CYP7B1: variants seen among roughly 807,000 people sequenced by gnomAD.
CYP7B1 encodes cytochrome P450 family 7 subfamily B member 1.
CYP7B1 carries 29 observed loss-of-function variants against 42.7 expected under a neutral mutation model. That is an observed-to-expected ratio of 0.68 (90% CI 0.51 to 0.93). CYP7B1 has a LOEUF of 0.93. CYP7B1 is among the 40% of genes least tolerant of loss of function. CYP7B1 has a pLI of 0.00. For synonymous variants in CYP7B1, 235 were observed against 218.2 expected, an observed-to-expected ratio of 1.08 and a Z score of -0.68; for missense variants, 655 against 600.5, an observed-to-expected ratio of 1.09 and a Z score of -0.95.
At chr8:64,678,059 G>C (rs1043320414) in intron 1 of CYP7B1, among the ~76,000 whole-genome samples, 3 of 151,932 alleles carry the variant, frequency 2.0e-5, no homozygotes, top group African/African-American at 7.3e-5. Context: ...AAATTCTCCC[G>C]CTCTGCCTAA....
intron 1 of CYP7B1, among the ~76,000 whole-genome samples, chr8:64,697,343 C>G (rs1255325161): frequency 3.3e-5 from 5 of 152,094 alleles, no homozygotes; most frequent in African/African-American, 9.7e-5. Context: ...TGGGGAAGGC[C>G]AAACACATTC....
At chr8:64,600,064 A>G (rs1805179096) in intron 5 of CYP7B1, among the ~76,000 whole-genome samples, 1 of 152,256 alleles carries the variant, frequency 6.6e-6, no homozygotes, top group South Asian at 2.1e-4. Context: ...AGAAAAAAGT[A>G]TATTTTAAAA....
chr8:64,756,586 C>A (rs1281408816), intron 1 of CYP7B1, among the ~76,000 whole-genome samples: 1 of 152,112 alleles, frequency 6.6e-6, no homozygotes, highest in Non-Finnish European at 1.5e-5. Context: ...CAAGGCACGG[C>A]GAGAAGATTC....
chr8:64,681,112 G>A (rs1409175187), intron 1 of CYP7B1, among the ~76,000 whole-genome samples: 1 of 152,170 alleles, frequency 6.6e-6, no homozygotes, highest in Non-Finnish European at 1.5e-5. Flanking sequence ...GTTTGTGGAT[G>A]CAAATGAGTA....
chr8:64,596,478 G>A lies in CYP7B1; in HGVS notation c.*164C>T, dbSNP rs1805118224. On this transcript the variant is annotated 3_prime_UTR_variant, in exon 6 of 6. Coordinates refer to ENST00000310193, the MANE Select transcript of CYP7B1 (RefSeq NM_004820.5). Reference sequence around the variant, plus strand: ...CCACCATCCTGTTTTATATTATGATGGGCTTTGTGACTAAGGACAAACTGG... The same window carrying A: ...CCACCATCCTGTTTTATATTATGATAGGCTTTGTGACTAAGGACAAACTGG... 2 of 680,738 alleles carry A rather than the reference G, an allele frequency of 2.9e-6. No homozygotes were observed. The highest frequency in any genetic ancestry group is 4.7e-6 in the Non-Finnish European group (2 of 421,598). The allele number at this position is 680,738 out of a possible 1,614,324, so 42.2% of individuals were successfully genotyped here.
intron 1 of CYP7B1, among the ~76,000 whole-genome samples, chr8:64,676,465 C>G (rs943692031): frequency 6.6e-6 from 1 of 152,046 alleles, no homozygotes; most frequent in Non-Finnish European, 1.5e-5. Context: ...GTGAGACCAT[C>G]TAATGCAAAA....
intron 2 of CYP7B1, among the ~76,000 whole-genome samples, chr8:64,623,736 G>C (rs975531088): frequency 1.3e-5 from 2 of 152,092 alleles, no homozygotes; most frequent in Non-Finnish European, 2.9e-5. Flanking sequence ...ATACATTCTT[G>C]ACCAGTGGTT....
intron 1 of CYP7B1, among the ~76,000 whole-genome samples, chr8:64,756,668 T>C (rs1807812959): frequency 1.3e-5 from 2 of 152,180 alleles, no homozygotes; most frequent in South Asian, 2.1e-4. Flanking sequence ...TCTGCTTCAG[T>C]GTAGCCTCTG....
At chr8:64,606,743 C>A (rs3779871) in intron 4 of CYP7B1, among the ~76,000 whole-genome samples, 5,992 of 152,174 alleles carry the variant, frequency 0.039, 203 homozygotes, top group South Asian at 0.15. Flanking sequence ...GTTATGTGTG[C>A]GAGATGAGGT....
At chr8:64,777,737 C>G (rs548357335) in intron 1 of CYP7B1, among the ~76,000 whole-genome samples, 4 of 151,818 alleles carry the variant, frequency 2.6e-5, no homozygotes, top group Non-Finnish European at 5.9e-5. Flanking sequence ...CCACCTGCAG[C>G]GGGTTTCATC....
At chr8:64,715,247 T>A (rs9918785) in intron 1 of CYP7B1, among the ~76,000 whole-genome samples, 12,300 of 152,268 alleles carry the variant, frequency 0.081, 749 homozygotes, top group African/African-American at 0.16. Flanking sequence ...TTTTAAAATA[T>A]CTGACACCAC....
intron 1 of CYP7B1, among the ~76,000 whole-genome samples, chr8:64,743,666 T>A (rs1807601901): frequency 1.3e-5 from 2 of 152,154 alleles, no homozygotes; most frequent in Admixed American, 6.5e-5. Context: ...GACACCAGTC[T>A]GATTGGATTA....
chr8:64,798,206 C>T (rs919573343), intron 1 of CYP7B1, among the ~76,000 whole-genome samples: 1 of 152,228 alleles, frequency 6.6e-6, no homozygotes, highest in African/African-American at 2.4e-5. Flanking sequence ...TAATGCATAC[C>T]GCCAACCTAG....
chr8:64,658,298 T>C (rs1806150941), intron 1 of CYP7B1, among the ~76,000 whole-genome samples: 1 of 152,216 alleles, frequency 6.6e-6, no homozygotes, highest in Non-Finnish European at 1.5e-5. Flanking sequence ...TCTCTGTTAC[T>C]GTTGGCTATA....
intron 1 of CYP7B1, among the ~76,000 whole-genome samples, chr8:64,774,688 A>T (rs1804292404): frequency 6.6e-6 from 1 of 152,196 alleles, no homozygotes. Context: ...TAGTGGCAGA[A>T]ATCGGAGCTT....
intron 1 of CYP7B1, among the ~76,000 whole-genome samples, chr8:64,698,324 C>A (rs2129632372): frequency 6.6e-6 from 1 of 152,018 alleles, no homozygotes; most frequent in East Asian, 1.9e-4. Context: ...AGCTTTAGCT[C>A]CAGCAGCAGG....
intron 1 of CYP7B1, among the ~76,000 whole-genome samples, chr8:64,743,491 T>A (rs1807598965): frequency 6.6e-6 from 1 of 152,152 alleles, no homozygotes; most frequent in Non-Finnish European, 1.5e-5. Flanking sequence ...AAGCTAAAAG[T>A]CCAAGATCAA....
chr8:64,587,267 C>T (rs1215269104), downstream of CYP7B1, among the ~76,000 whole-genome samples: 1 of 151,976 alleles, frequency 6.6e-6, no homozygotes, highest in Non-Finnish European at 1.5e-5. Flanking sequence ...GATCCGCATC[C>T]GGAGGGATTC....
At chr8:64,769,930 C>T (rs377344140) in intron 1 of CYP7B1, among the ~76,000 whole-genome samples, 7 of 152,142 alleles carry the variant, frequency 4.6e-5, no homozygotes, top group Admixed American at 1.3e-4. Flanking sequence ...ACGGGGACAA[C>T]GGTAGGACAA....
Sources: gnomAD v4.1 joint callset for allele counts (sites outside exome capture counted in the v4.1 genomes callset) on GRCh38, gnomAD v4.1.1 for gene constraint, MANE v1.5 for transcripts, NCBI Gene and HGNC (gene_info 2026-07-23, HGNC 2026-07-21) for gene names.